The following ZNF664 variants were observed in gnomAD, a reference collection of about 807,000 sequenced individuals.
ZNF664 encodes zinc finger Organ of Corti 1.
A neutral mutation model predicts 18.2 loss-of-function variants in ZNF664; 10 were observed. The observed-to-expected ratio is 0.55, with a 90% CI of 0.34 to 0.93. ZNF664 has a LOEUF of 0.93. Among genes scored for constraint, ZNF664 ranks in the 40% least tolerant of loss-of-function variants. ZNF664 has a pLI of 0.02. For missense variants in ZNF664, 193 were observed against 319.0 expected (o/e 0.61, Z 3.01); for synonymous variants, 119 against 104.2 (o/e 1.14, Z -0.86).
intron 2 of ZNF664, chr12:123,974,345 A>G (rs1001909687): frequency 1.1e-5 from 3 of 267,092 alleles, no homozygotes; most frequent in African/African-American, 6.6e-5. Context: ...CAGATACCGA[A>G]AAAAGATTTC....
chr12:124,011,915 T>A lies in ZNF664; in HGVS notation c.-230T>A. The stretch of plus-strand genomic sequence containing the variant: ...TACAGAATTCACGTGGAAGTCAATG[T>A]CACTTTATAATCGATAATAATACTG... On this transcript the variant is annotated 5_prime_UTR_variant, in exon 5 of 5. Transcript: ENST00000337815. 2.3e-6 allele frequency: 3 copies of A among 1,327,816 alleles called. No individual in the cohort carries two copies. The highest frequency in any genetic ancestry group is 2.9e-6 in the Non-Finnish European group (3 of 1,045,942). The allele number at this position is 1,327,816 out of a possible 1,614,324, so 82.3% of individuals were successfully genotyped here. A position where few individuals can be genotyped will look rare whatever the true frequency, so the allele number is the denominator to read the frequency against.
rs1275963999 is a variant in ZNF664, at chr12:123,973,320, C to T, written c.-924C>T. The T allele has an allele frequency of 6.1e-6, 6 of 983,196 alleles. No homozygotes were observed. The highest frequency in any genetic ancestry group is 6.0e-6 in the Non-Finnish European group (5 of 829,578). The allele number at this position is 983,196 out of a possible 1,614,324, so 60.9% of individuals were successfully genotyped here. A position where few individuals can be genotyped will look rare whatever the true frequency, so the allele number is the denominator to read the frequency against. On this transcript the variant is annotated 5_prime_UTR_variant, in exon 1 of 5. Transcript: ENST00000337815. Reference sequence around the variant, plus strand: ...GAGAGGGAGGTGGGTGCGCGGCGCCCGCGGCCTGGGGCGCTGACTCCCCTC... The same window carrying T: ...GAGAGGGAGGTGGGTGCGCGGCGCCTGCGGCCTGGGGCGCTGACTCCCCTC...
chr12:123,973,699 C>G (rs1477518538), intron 1 of ZNF664, 187 bp from the exon 2 acceptor site: 8 of 1,062,160 alleles, frequency 7.5e-6, no homozygotes, highest in South Asian at 4.8e-5. Context: ...GCCGGACTCC[C>G]GAGCCAGGCT....
intron 2 of ZNF664, among the ~76,000 whole-genome samples, chr12:123,980,587 A>G (rs1956752948): frequency 1.3e-5 from 2 of 152,220 alleles, no homozygotes; most frequent in African/African-American, 4.8e-5. Flanking sequence ...TTAGTGGCAA[A>G]TAACATTGCC....
intron 3 of ZNF664, among the ~76,000 whole-genome samples, chr12:123,996,401 G>T (rs1365663118): frequency 6.6e-6 from 1 of 152,150 alleles, no homozygotes; most frequent in Non-Finnish European, 1.5e-5. Flanking sequence ...AGTGGTGGAA[G>T]TTGGGGAGAA....
intron 3 of ZNF664, among the ~76,000 whole-genome samples, chr12:124,007,006 G>A (rs78581168): frequency 0.02 from 3,010 of 152,288 alleles, 100 homozygotes; most frequent in African/African-American, 0.069. Flanking sequence ...ATTTACAGCT[G>A]CCTCTATCTG....
intron 3 of ZNF664, among the ~76,000 whole-genome samples, chr12:123,993,121 A>C (rs1426757142): frequency 6.6e-6 from 1 of 152,212 alleles, no homozygotes; most frequent in Non-Finnish European, 1.5e-5. Context: ...GGTTTGGCGA[A>C]GTCAGAGAAG....
intron 3 of ZNF664, among the ~76,000 whole-genome samples, chr12:123,994,944 TA>T (rs1431141424): frequency 6.6e-6 from 1 of 152,188 alleles, no homozygotes; most frequent in Non-Finnish European, 1.5e-5. Flanking sequence ...AGTGGGTGCT[TA>T]GCTAGTTTAT....
At chr12:123,977,763 T>C (rs1175233334) in intron 2 of ZNF664, among the ~76,000 whole-genome samples, 3 of 152,216 alleles carry the variant, frequency 2.0e-5, no homozygotes, top group Non-Finnish European at 4.4e-5. Context: ...TAAAACAGTA[T>C]CGTTCTGGCT....
rs1157422479 is a variant in ZNF664 at position 124,011,650 on chromosome 12, G to A, written c.-495G>A. On this transcript the variant is annotated 5_prime_UTR_variant, in exon 5 of 5. Coordinates refer to ENST00000337815, the MANE Select transcript of ZNF664 (RefSeq NM_152437.3). ...AAAGGCTTTCCTGTCTGATGTGCAG[G>A]AGGCAGAATGCCAAACTGACTCTTC... The A allele has an allele frequency of 3.0e-6, 3 of 1,006,814 alleles. No individual in the cohort carries two copies. Among genetic ancestry groups the A allele is most frequent in the Middle Eastern group, 9.9e-4 (2 of 2,018 alleles). The allele number at this position is 1,006,814 out of a possible 1,614,324, so 62.4% of individuals were successfully genotyped here. A position where few individuals can be genotyped will look rare whatever the true frequency, so the allele number is the denominator to read the frequency against.
chr12:123,977,239 A>G (rs1234521159), intron 2 of ZNF664, among the ~76,000 whole-genome samples: 1 of 152,218 alleles, frequency 6.6e-6, no homozygotes, highest in Non-Finnish European at 1.5e-5. Flanking sequence ...AAATTGGGAC[A>G]TTATTTAACA....
chr12:124,011,022 A>G (rs184533392), intron 3 of ZNF664, among the ~76,000 whole-genome samples: 1 of 152,290 alleles, frequency 6.6e-6, no homozygotes, highest in African/African-American at 2.4e-5. Flanking sequence ...AAGGATTGGG[A>G]TTTTATTTTA....
chr12:124,011,400 A>T lies in ZNF664; in HGVS notation c.-641A>T. 1 of 1,013,352 alleles carries T rather than the reference A, an allele frequency of 9.9e-7. No individual in the cohort carries two copies. Among genetic ancestry groups the T allele is most frequent in the Non-Finnish European group, 1.2e-6 (1 of 851,546 alleles). The allele number at this position is 1,013,352 out of a possible 1,614,324, so 62.8% of individuals were successfully genotyped here. ...CTTCAGACCTGCAAATCCAAGAGACACATCTTTGGAAGATAAGAGAGCTTC... is the reference window on the plus strand; with the variant it reads ...CTTCAGACCTGCAAATCCAAGAGACTCATCTTTGGAAGATAAGAGAGCTTC... On this transcript the variant is annotated 5_prime_UTR_variant, in exon 4 of 5. Coordinates refer to ENST00000337815, the MANE Select transcript of ZNF664 (RefSeq NM_152437.3).
intron 2 of ZNF664, among the ~76,000 whole-genome samples, chr12:123,980,289 G>T (rs11057408): frequency 0.32 from 49,113 of 151,982 alleles, 8,114 homozygotes; most frequent in Middle Eastern, 0.37. Context: ...ACTTTTGTAA[G>T]GAAGATGTTA....
At position 124,013,846 on chromosome 12, in the gene ZNF664, C is replaced by G. The variant is rs1666068128; in HGVS notation, c.*916C>G. 1 of 167,116 alleles carries G rather than the reference C, an allele frequency of 6.0e-6. No homozygotes were observed. Among genetic ancestry groups the G allele is most frequent in the South Asian group, 2.1e-4 (1 of 4,826 alleles). 10.4% of individuals were successfully genotyped at this position (167,116 alleles called of 1,614,324 possible). A position where few individuals can be genotyped will look rare whatever the true frequency, so the allele number is the denominator to read the frequency against. ...TAGGAGGAGTCACTAATGTTTCAAT[C>G]TCTATTTCTGTAATCTTGGGCAATA... On this transcript the variant is annotated 3_prime_UTR_variant, in exon 5 of 5. Coordinates refer to ENST00000337815, the MANE Select transcript of ZNF664 (RefSeq NM_152437.3).
At chr12:123,998,725 A>G (rs1272795173) in intron 3 of ZNF664, 1 of 152,420 alleles carries the variant, frequency 6.6e-6, no homozygotes, top group Non-Finnish European at 1.5e-5. Flanking sequence ...ACTGTAAACC[A>G]CAGAAATGCA....
At chr12:123,996,226 T>C (rs1387027749) in intron 3 of ZNF664, among the ~76,000 whole-genome samples, 1 of 152,340 alleles carries the variant, frequency 6.6e-6, no homozygotes, top group Non-Finnish European at 1.5e-5. Flanking sequence ...ATAGGTATTA[T>C]TGAGGAAATG....
chr12:123,975,634 GC>G (rs1956681222), intron 2 of ZNF664, among the ~76,000 whole-genome samples: 1 of 152,036 alleles, frequency 6.6e-6, no homozygotes, highest in South Asian at 2.1e-4. Context: ...TTACTATCTT[GC>G]CCCAACTGGT....
chr12:123,974,350 G>T, intron 2 of ZNF664: 1 of 256,412 alleles, frequency 3.9e-6, no homozygotes. Context: ...ACCGAAAAAA[G>T]ATTTCTGAGC....
Sources: allele counts gnomAD v4.1 joint callset (sites outside exome capture counted in the v4.1 genomes callset), GRCh38; gene constraint gnomAD v4.1.1; transcripts MANE v1.5; gene names NCBI Gene and HGNC (gene_info 2026-07-23, HGNC 2026-07-21).